The following ELOVL6 variants were observed in gnomAD, a reference collection of about 807,000 sequenced individuals.
ELOVL6 encodes the protein ELOVL fatty acid elongase 6.
A neutral mutation model predicts 31.7 loss-of-function variants in ELOVL6; 8 were observed. That is an observed-to-expected ratio of 0.25 (90% confidence interval 0.15 to 0.45). The LOEUF is 0.45. Ranked by LOEUF, ELOVL6 falls within the 20% of genes least tolerant of loss-of-function variation. ELOVL6 has a pLI of 1.00. For missense variants in ELOVL6, 126 were observed against 326.4 expected (o/e 0.39, Z 4.73); for synonymous variants, 101 against 117.7 (o/e 0.86, Z 0.92).
intron 2 of ELOVL6, among the ~76,000 whole-genome samples, chr4:110,075,637 G>T (rs1207284938): frequency 6.6e-6 from 1 of 152,032 alleles, no homozygotes; most frequent in Non-Finnish European, 1.5e-5. Context: ...TCACTTAATG[G>T]GTACAGTTTC....
intron 2 of ELOVL6, among the ~76,000 whole-genome samples, chr4:110,066,849 T>A (rs761291173): frequency 6.6e-6 from 1 of 152,046 alleles, no homozygotes; most frequent in Non-Finnish European, 1.5e-5. Context: ...GCTGCACCCA[T>A]CAACGCATCA....
intron 2 of ELOVL6, among the ~76,000 whole-genome samples, chr4:110,092,216 C>G (rs575522806): frequency 4.9e-4 from 75 of 152,294 alleles, no homozygotes; most frequent in Middle Eastern, 3.4e-3. Flanking sequence ...CAAGTCAGAT[C>G]TGGGACATCT....
chr4:110,074,135 AG>A (rs1755566183), intron 2 of ELOVL6, among the ~76,000 whole-genome samples: 1 of 152,168 alleles, frequency 6.6e-6, no homozygotes, highest in Non-Finnish European at 1.5e-5. Flanking sequence ...GACTTGTCCC[AG>A]GAACTCCCCA....
chr4:110,061,608 G>A (rs1434746237), intron 2 of ELOVL6, among the ~76,000 whole-genome samples: 1 of 134,138 alleles, frequency 7.5e-6, no homozygotes, highest in Non-Finnish European at 1.5e-5. Context: ...CCAGGCTGGA[G>A]TACAGTGGCA....
intron 1 of ELOVL6, among the ~76,000 whole-genome samples, chr4:110,113,491 G>A (rs1427405917): frequency 1.3e-5 from 2 of 151,966 alleles, no homozygotes; most frequent in East Asian, 3.9e-4. Flanking sequence ...ACTAGGGTGG[G>A]AGGACTGAGC....
At chr4:110,080,376 CA>C (rs1334319588) in intron 2 of ELOVL6, among the ~76,000 whole-genome samples, 3 of 152,204 alleles carry the variant, frequency 2.0e-5, no homozygotes, top group African/African-American at 7.2e-5. Flanking sequence ...AGCAGCGCAT[CA>C]AAAAGCTTAA....
chr4:110,072,093 T>A (rs986078440), intron 2 of ELOVL6, among the ~76,000 whole-genome samples: 1 of 152,212 alleles, frequency 6.6e-6, no homozygotes, highest in Non-Finnish European at 1.5e-5. Flanking sequence ...AGCCGTCAAC[T>A]TGCTGGAGCA....
chr4:110,090,587 A>G (rs554690632), intron 2 of ELOVL6, among the ~76,000 whole-genome samples: 1 of 129,748 alleles, frequency 7.7e-6, no homozygotes, highest in East Asian at 2.0e-4. Flanking sequence ...AACTTACAGG[A>G]AAGTTTGACT....
Position 110,051,116 on chromosome 4 carries a change from A to C in ELOVL6, c.*222T>G. 1.8e-6 allele frequency: 1 copy of C among 551,340 alleles called. No individual in the cohort carries two copies. The highest frequency in any genetic ancestry group is 3.2e-6 in the Non-Finnish European group (1 of 309,166). 34.2% of individuals were successfully genotyped at this position (551,340 alleles called of 1,614,324 possible). ...AGAGGGAATGGGGTCTTCCAGCAGCAGTGCTTGGAGATGGAGGTGCACTCA... is the reference window on the plus strand; with the variant it reads ...AGAGGGAATGGGGTCTTCCAGCAGCCGTGCTTGGAGATGGAGGTGCACTCA... On this transcript the variant is annotated 3_prime_UTR_variant, in exon 4 of 4. Coordinates refer to ENST00000302274, the MANE Select transcript of ELOVL6 (RefSeq NM_024090.3). The surrounding 1 kb of genome is among the most constrained non-coding windows in gnomAD (Gnocchi z 4.8).
chr4:110,065,997 A>G (rs1252898343), intron 2 of ELOVL6, among the ~76,000 whole-genome samples: 1 of 152,148 alleles, frequency 6.6e-6, no homozygotes, highest in Non-Finnish European at 1.5e-5. Flanking sequence ...TCTCCACCCT[A>G]CTAACTCAAT....
Position 110,117,224 on chromosome 4 carries a change from A to C in ELOVL6, c.90-11596T>G, listed in dbSNP as rs534464357. On this transcript the variant is annotated intron_variant, in intron 1 of 3. Transcript: ENST00000302274. ...TGCAACCAAAAATTATCCAGCCCCC[A>C]AAAATGCCAATAGTGCTAAGGTTGA... Among the ~76,000 whole-genome samples, 9 of 152,318 alleles carry C rather than the reference A, an allele frequency of 5.9e-5. No homozygotes were observed. In the South Asian group the frequency reaches 8.3e-4, roughly 14 times the overall value.
At chr4:110,055,212 T>C (rs569249404) in intron 3 of ELOVL6, among the ~76,000 whole-genome samples, 1 of 152,160 alleles carries the variant, frequency 6.6e-6, no homozygotes, top group Non-Finnish European at 1.5e-5. Context: ...TAATGTCACA[T>C]TTAATTTGTC....
At chr4:110,188,760 C>T (rs931760178) in intron 1 of ELOVL6, among the ~76,000 whole-genome samples, 1 of 151,766 alleles carries the variant, frequency 6.6e-6, no homozygotes, top group African/African-American at 2.4e-5. Flanking sequence ...GGCATGGTGG[C>T]GTATGCCTGT....
At chr4:110,139,801 G>T (rs1022658535) in intron 1 of ELOVL6, among the ~76,000 whole-genome samples, 3 of 152,032 alleles carry the variant, frequency 2.0e-5, no homozygotes, top group African/African-American at 7.2e-5. Flanking sequence ...TACCATTACT[G>T]GATCTTGCTA....
intron 1 of ELOVL6, among the ~76,000 whole-genome samples, chr4:110,110,079 C>T (rs375582965): frequency 1.3e-5 from 2 of 152,164 alleles, no homozygotes; most frequent in East Asian, 3.8e-4. Context: ...TGGTGCACCC[C>T]CCTCCTCTTT....
chr4:110,057,841 A>G (rs1329323519), intron 3 of ELOVL6, among the ~76,000 whole-genome samples: 2 of 143,900 alleles, frequency 1.4e-5, no homozygotes, highest in South Asian at 2.2e-4. Context: ...ACAGAGTAAG[A>G]CTCTGTCTCA....
At chr4:110,167,487 G>A (rs1215349906) in intron 1 of ELOVL6, among the ~76,000 whole-genome samples, 1 of 151,984 alleles carries the variant, frequency 6.6e-6, no homozygotes, top group Non-Finnish European at 1.5e-5. Flanking sequence ...GTTACTAAAG[G>A]ATGTTTTTTT....
chr4:110,181,253 C>T (rs534027813), intron 1 of ELOVL6, among the ~76,000 whole-genome samples: 103 of 152,154 alleles, frequency 6.8e-4, no homozygotes, highest in African/African-American at 2.4e-3. Flanking sequence ...TCAAGACCAA[C>T]CTGGGCAACA....
chr4:110,058,030 G>A (rs1755042983), intron 3 of ELOVL6, among the ~76,000 whole-genome samples: 1 of 152,068 alleles, frequency 6.6e-6, no homozygotes, highest in African/African-American at 2.4e-5. Context: ...TTCAGATTTT[G>A]CAGGCATTGT....
Sources: allele counts gnomAD v4.1 joint callset (sites outside exome capture counted in the v4.1 genomes callset), GRCh38; gene constraint gnomAD v4.1.1; non-coding constraint Gnocchi (gnomAD v3.1); transcripts MANE v1.5; gene names NCBI Gene and HGNC (gene_info 2026-07-23, HGNC 2026-07-21).